ADPGK: variants seen among roughly 807,000 people sequenced by gnomAD.
ADPGK encodes ADP-dependent glucokinase.
A neutral mutation model predicts 42.4 loss-of-function variants in ADPGK; 26 were observed. That is an observed-to-expected ratio of 0.61 (90% CI 0.45 to 0.85). The LOEUF (loss-of-function observed/expected upper bound fraction) is 0.85, where lower values mean the gene tolerates loss of function less well. ADPGK is among the 40% of genes least tolerant of loss of function. The pLI, the probability that ADPGK is intolerant of heterozygous loss-of-function variation, is 0.00. For synonymous variants in ADPGK, 267 were observed against 252.6 expected (o/e 1.06, Z -0.54); for missense variants, 571 against 627.0 (o/e 0.91, Z 0.95).
chr15:72,766,188 G>T (rs990882405), intron 3 of ADPGK, among the ~76,000 whole-genome samples: 1 of 151,922 alleles, frequency 6.6e-6, no homozygotes, highest in Non-Finnish European at 1.5e-5. Context: ...ATGGGGTCTC[G>T]CTATGTTGCC....
At chr15:72,776,555 G>A (rs2066394898) in intron 1 of ADPGK, among the ~76,000 whole-genome samples, 1 of 152,178 alleles carries the variant, frequency 6.6e-6, no homozygotes, top group African/African-American at 2.4e-5. Context: ...AAATGAAGAG[G>A]AATGAGACTG....
chr15:72,776,439 C>T (rs1221448577), intron 1 of ADPGK, among the ~76,000 whole-genome samples: 1 of 152,124 alleles, frequency 6.6e-6, no homozygotes, highest in Non-Finnish European at 1.5e-5. Flanking sequence ...AGAGTTAATT[C>T]TGAGCAGCTC....
chr15:72,767,379 T>C (rs527813809), intron 3 of ADPGK, among the ~76,000 whole-genome samples: 63 of 92,888 alleles, frequency 6.8e-4, no homozygotes, highest in African/African-American at 2.1e-3. Context: ...ACAGATCAAA[T>C]AGACAAAAAA....
At position 72,765,621 on chromosome 15, in the gene ADPGK, T is replaced by C. The variant is rs370733318; in HGVS notation, c.523-5094A>G. ...TGATTTATAGGAGGAAGTCAGCATA[T>C]CAACATTAACAGGAGTTTCAAAGAG... On this transcript the variant is annotated intron_variant, in intron 3 of 6. Coordinates refer to ENST00000456471, the MANE Select transcript of ADPGK (RefSeq NM_001365225.1). 1.8e-4 allele frequency among the ~76,000 whole-genome samples: 28 copies of C among 152,372 alleles called. 1 individual carries two copies. The South Asian group carries it at 5.2e-3, about 28-fold the overall frequency.
Position 72,752,860 on chromosome 15 carries a change from A to G in ADPGK, c.975T>C (p.Asn325=), listed in dbSNP as rs1167338524. ...GGGTGAGAAATAACAGCTCCTGTTC[A>G]TTCAGCCCAAGGGAAGTCACCGCGG... The part of the protein sequence containing the change: ...VFPAVTSLGL[N]EQELLFLTQS... The change falls in exon 7 of 7, where the codon AAT becomes AAC. Residue 325 remains asparagine, a synonymous_variant. Transcript: ENST00000456471. 1.4e-5 allele frequency: 22 copies of G among 1,614,004 alleles called. No homozygotes were observed. Among genetic ancestry groups the G allele is most frequent in the Non-Finnish European group, 1.9e-5 (22 of 1,180,012 alleles).
At chr15:72,765,228 A>G (rs955558875) in intron 3 of ADPGK, among the ~76,000 whole-genome samples, 2 of 152,096 alleles carry the variant, frequency 1.3e-5, no homozygotes. Context: ...AGCCCACTGC[A>G]ATCTCCACCT....
At chr15:72,755,358 T>C (rs1419195053) in intron 6 of ADPGK, among the ~76,000 whole-genome samples, 198 bp downstream of exon 6, 2 of 152,242 alleles carry the variant, frequency 1.3e-5, no homozygotes, top group East Asian at 3.8e-4. Flanking sequence ...GCCATAACTT[T>C]AACCTAGTAG....
chr15:72,783,476 C>G lies in ADPGK; in HGVS notation c.216G>C (p.Trp72Cys). 1.4e-6 allele frequency: 2 copies of G among 1,394,518 alleles called. No individual in the cohort carries two copies. Among genetic ancestry groups the G allele is most frequent in the Non-Finnish European group, 1.9e-6 (2 of 1,080,990 alleles). The allele number at this position is 1,394,518 out of a possible 1,614,324, so 86.4% of individuals were successfully genotyped here. A position where few individuals can be genotyped will look rare whatever the true frequency, so the allele number is the denominator to read the frequency against. Residue 72 changes from tryptophan (W) to cysteine (C), a missense_variant, in exon 1 of 7, where the codon TGG becomes TGC. This residue lies in a region of ADPGK where 137 missense variants were observed against 104.2 expected (regional missense o/e 1.31). Coordinates refer to ENST00000456471, the MANE Select transcript of ADPGK (RefSeq NM_001365225.1). ...GCACTCACCCCACTGCCACGCGGCGCCAGCGCCGGACTGGCCGCACGATAA... is the reference window on the plus strand; with the variant it reads ...GCACTCACCCCACTGCCACGCGGCGGCAGCGCCGGACTGGCCGCACGATAA... The part of the protein sequence containing the change: ...DALIVRPVRR[W>C]RRVAVGVNAC...
At chr15:72,759,098 T>C (rs1415513445) in intron 4 of ADPGK, among the ~76,000 whole-genome samples, 3 of 152,110 alleles carry the variant, frequency 2.0e-5, no homozygotes, top group East Asian at 3.9e-4. Context: ...CCTCCACACC[T>C]GGCTAATTTT....
intron 6 of ADPGK, 147 bp downstream of exon 6, chr15:72,755,409 G>T: frequency 1.7e-6 from 1 of 602,280 alleles, no homozygotes; most frequent in Non-Finnish European, 3.0e-6. Flanking sequence ...TCCTTATTTG[G>T]ATCTCCATGG....
intron 4 of ADPGK, chr15:72,758,142 G>C: frequency 6.2e-7 from 1 of 1,613,390 alleles, no homozygotes; most frequent in Non-Finnish European, 8.5e-7. Flanking sequence ...ACCAGGTCTG[G>C]CTGAAACTCC....
chr15:72,763,655 T>C (rs1566952938), intron 3 of ADPGK, among the ~76,000 whole-genome samples: 1 of 152,206 alleles, frequency 6.6e-6, no homozygotes, highest in Non-Finnish European at 1.5e-5. Flanking sequence ...TATCTCATAA[T>C]AATAGTATAA....
At chr15:72,768,464 G>A (rs1173788223) in intron 3 of ADPGK, among the ~76,000 whole-genome samples, 1 of 152,076 alleles carries the variant, frequency 6.6e-6, no homozygotes, top group African/African-American at 2.4e-5. Context: ...ATCAGAAGTT[G>A]GAGACCAGCC....
intron 1 of ADPGK, among the ~76,000 whole-genome samples, chr15:72,778,746 A>C (rs2066419812): frequency 6.6e-6 from 1 of 152,200 alleles, no homozygotes; most frequent in Non-Finnish European, 1.5e-5. Context: ...CATTATGTGC[A>C]TCAGCTGTTA....
chr15:72,782,801 C>G (rs978077084), intron 1 of ADPGK: 1 of 152,060 alleles, frequency 6.6e-6, no homozygotes, highest in African/African-American at 2.4e-5. Flanking sequence ...TTTACAGTAT[C>G]AATACTATAA....
At chr15:72,754,332 T>C (rs1431147941) in intron 6 of ADPGK, among the ~76,000 whole-genome samples, 2 of 152,188 alleles carry the variant, frequency 1.3e-5, no homozygotes, top group Non-Finnish European at 2.9e-5. Context: ...TGACGAGGGA[T>C]GACTGTATAC....
chr15:72,783,714 C>A lies in ADPGK; in HGVS notation c.-23G>T, dbSNP rs1302223485. On this transcript the variant is annotated 5_prime_UTR_variant, in exon 1 of 7. Transcript: ENST00000456471. ...CATGGGGACCCAGGCGCCGCACCTGCGCGAACCAACTCCTTTCCTAGCCCG... is the reference window on the plus strand; with the variant it reads ...CATGGGGACCCAGGCGCCGCACCTGAGCGAACCAACTCCTTTCCTAGCCCG... The A allele has an allele frequency of 6.9e-7, 1 of 1,446,454 alleles. No individual in the cohort carries two copies. The highest frequency in any genetic ancestry group is 2.8e-5 in the East Asian group (1 of 36,030). 89.6% of individuals were successfully genotyped at this position (1,446,454 alleles called of 1,614,324 possible). A position where few individuals can be genotyped will look rare whatever the true frequency, so the allele number is the denominator to read the frequency against.
intron 3 of ADPGK, among the ~76,000 whole-genome samples, chr15:72,769,168 T>G (rs984725408): frequency 1.3e-5 from 2 of 152,102 alleles, no homozygotes; most frequent in Admixed American, 1.3e-4. Flanking sequence ...AATGAATACA[T>G]CAGAACAAAG....
At chr15:72,773,415 TA>T (rs2066352532) in intron 2 of ADPGK, among the ~76,000 whole-genome samples, 1 of 152,108 alleles carries the variant, frequency 6.6e-6, no homozygotes. Context: ...TAGAATTTAC[TA>T]AAAAAAATCT....
Sources: gnomAD v4.1 joint callset for allele counts (sites outside exome capture counted in the v4.1 genomes callset) on GRCh38, gnomAD v4.1.1 for gene constraint, gnomAD v4.1.1 regional missense constraint, MANE v1.5 for transcripts, NCBI Gene and HGNC (gene_info 2026-07-23, HGNC 2026-07-21) for gene names.